WNT11: variants seen among roughly 807,000 people sequenced by gnomAD.
WNT11 encodes Wnt family member 11, also known as protein Wnt-11.
Under a neutral mutation model 35.6 loss-of-function variants are expected in WNT11, and 20 were observed. The ratio of observed to expected loss-of-function variants is 0.56; its 90% CI spans 0.40 to 0.82. The LOEUF (loss-of-function observed/expected upper bound fraction) is 0.82. Among genes scored for constraint, WNT11 ranks in the 40% least tolerant of loss-of-function variants. WNT11 has a pLI of 0.00. For synonymous variants in WNT11, 200 were observed against 211.9 expected, an observed-to-expected ratio of 0.94 and a Z score of 0.49; for missense variants, 459 against 504.4, an observed-to-expected ratio of 0.91 and a Z score of 0.86.
chr11:76,191,193 C>A (rs919978348), intron 4 of WNT11, among the ~76,000 whole-genome samples: 8 of 152,202 alleles, frequency 5.3e-5, no homozygotes, highest in Non-Finnish European at 1.5e-5. Flanking sequence ...GTCATCTGTT[C>A]ATCTGACAAA....
At chr11:76,205,275 C>T (rs954522066) in intron 1 of WNT11, among the ~76,000 whole-genome samples, 1 of 152,190 alleles carries the variant, frequency 6.6e-6, no homozygotes, top group Non-Finnish European at 1.5e-5. Context: ...CCCTTTGCAG[C>T]GCCCTCCCCA....
rs115045084 is a variant in WNT11, at chr11:76,190,122, C to T, written c.890+1442G>A. ...TAGGTAAGTGCGCTTGGAGATCACT[C>T]GACAACCCTGTGAGCGGTGGGGTGC... On this transcript the variant is annotated intron_variant, in intron 4 of 4. Transcript: ENST00000322563. Among the ~76,000 whole-genome samples, 685 of 152,054 alleles carry T rather than the reference C, an allele frequency of 4.5e-3. 2 individuals are homozygous for T. The highest frequency in any genetic ancestry group is 0.016 in the African/African-American group (653 of 41,462).
chr11:76,197,543 G>A (rs182407766), intron 1 of WNT11, among the ~76,000 whole-genome samples: 64 of 152,300 alleles, frequency 4.2e-4, no homozygotes, highest in Non-Finnish European at 5.9e-4. Flanking sequence ...GCACATTTAC[G>A]TTTTAAAGGT....
intron 3 of WNT11, among the ~76,000 whole-genome samples, chr11:76,193,339 A>C (rs7108831): frequency 0.19 from 29,284 of 152,188 alleles, 3,018 homozygotes; most frequent in South Asian, 0.23. Context: ...TTTGGGCTGC[A>C]TGGTGGGGAG....
intron 1 of WNT11, 26 bp from the exon 2 acceptor site, chr11:76,196,744 C>G: frequency 6.4e-7 from 1 of 1,559,590 alleles, no homozygotes; most frequent in Non-Finnish European, 8.7e-7. Context: ...AGGCCATGAC[C>G]GATGGAAGGA....
chr11:76,206,443 G>A lies in WNT11; in HGVS notation c.-36C>T. ...CGGGCGCGCCCGGGGTCACACCCAG[G>A]AGGAGCCGCGCCGAAGTCCTCCGCC... On this transcript the variant is annotated 5_prime_UTR_variant, in exon 1 of 5. Coordinates refer to ENST00000322563, the MANE Select transcript of WNT11 (RefSeq NM_004626.3). 7.1e-7 allele frequency: 1 copy of A among 1,410,988 alleles called. No individual in the cohort carries two copies. Among genetic ancestry groups the A allele is most frequent in the Non-Finnish European group, 9.2e-7 (1 of 1,083,556 alleles). The allele number at this position is 1,410,988 out of a possible 1,614,324, so 87.4% of individuals were successfully genotyped here. A position where few individuals can be genotyped will look rare whatever the true frequency, so the allele number is the denominator to read the frequency against.
At chr11:76,187,287 C>CTA in intron 4 of WNT11, 48 bp from the exon 5 acceptor site, 1 of 1,555,630 alleles carries the variant, frequency 6.4e-7, no homozygotes, top group East Asian at 2.3e-5. Context: ...GGTCACCACC[C>CTA]CACCAACACC....
intron 1 of WNT11, 26 bp from the exon 2 acceptor site, chr11:76,196,744 C>T (rs777748238): frequency 5.2e-5 from 81 of 1,559,472 alleles, no homozygotes; most frequent in Non-Finnish European, 6.1e-5. Context: ...AGGCCATGAC[C>T]GATGGAAGGA....
chr11:76,203,878 G>A (rs1029136088), intron 1 of WNT11, among the ~76,000 whole-genome samples: 1 of 152,216 alleles, frequency 6.6e-6, no homozygotes, highest in Non-Finnish European at 1.5e-5. Flanking sequence ...CTGTGCTGGG[G>A]CTCCCTGTGC....
intron 1 of WNT11, among the ~76,000 whole-genome samples, chr11:76,198,376 G>T (rs748499548): frequency 3.3e-5 from 5 of 152,322 alleles, no homozygotes; most frequent in African/African-American, 4.8e-5. Flanking sequence ...GACCTGCCTA[G>T]TCAAGGCCAA....
chr11:76,196,928 G>T (rs75467162), intron 1 of WNT11, among the ~76,000 whole-genome samples: 2 of 152,170 alleles, frequency 1.3e-5, no homozygotes, highest in Non-Finnish European at 2.9e-5. Flanking sequence ...GCACATCACC[G>T]TCCCTCTCTG....
At chr11:76,193,454 G>A (rs1056724079) in intron 3 of WNT11, among the ~76,000 whole-genome samples, 6 of 152,222 alleles carry the variant, frequency 3.9e-5, no homozygotes, top group South Asian at 4.1e-4. Flanking sequence ...CGTGCTGGCC[G>A]CTGGCGAAGG....
intron 1 of WNT11, 143 bp downstream of exon 1, chr11:76,206,182 G>A (rs1054368862): frequency 2.9e-6 from 2 of 691,512 alleles, no homozygotes; most frequent in Admixed American, 4.1e-5. Flanking sequence ...AGGAAACAGA[G>A]GCTGAGGGAT....
chr11:76,187,909 C>T (rs1331131641), intron 4 of WNT11, among the ~76,000 whole-genome samples: 4 of 152,144 alleles, frequency 2.6e-5, no homozygotes, highest in African/African-American at 4.8e-5. Context: ...GCTCTGTTGC[C>T]CAGGCTGGAG....
Position 76,202,129 on chromosome 11 carries a change from G to A in WNT11, c.83+4196C>T, listed in dbSNP as rs535724099. Among the ~76,000 whole-genome samples, 11 of 152,292 alleles carry A rather than the reference G, an allele frequency of 7.2e-5. No homozygotes were observed. In the South Asian group the frequency reaches 1.0e-3, roughly 14 times the overall value. ...CCAGACCATTTCCAGGTGAGGCTTC[G>A]GCAGAGCTGGGCTCAGAGGGCCTCA... On this transcript the variant is annotated intron_variant, in intron 1 of 4. Transcript: ENST00000322563.
At position 76,193,000 on chromosome 11, in the gene WNT11, T is replaced by A. The variant is rs73500095; in HGVS notation, c.598-1144A>T. Among the ~76,000 whole-genome samples, 680 of 152,110 alleles carry A rather than the reference T, an allele frequency of 4.5e-3. 8 individuals carry two copies. Among genetic ancestry groups the A allele is most frequent in the African/African-American group, 0.016 (650 of 41,524 alleles). On this transcript the variant is annotated intron_variant, in intron 3 of 4. Transcript: ENST00000322563. Reference sequence around the variant, plus strand: ...GAGTTAGTGGGGGAGCTGGCCAAGGTCCCAGGACTCCTTCCCCTCACCAGT... The same window carrying A: ...GAGTTAGTGGGGGAGCTGGCCAAGGACCCAGGACTCCTTCCCCTCACCAGT...
At position 76,196,718 on chromosome 11, in the gene WNT11, C is replaced by G; in HGVS notation, c.84G>C (p.Leu28=). The change falls in exon 2 of 5, where the codon CTG becomes CTC. Residue 28 remains leucine, a splice_region_variant and synonymous_variant. Transcript: ENST00000322563. ...GGGCCGATGGTGTCTTGGACAGCGC[C>G]CTGCACACCATGGAAAGGCCATGAC... ...QTGVCYGIKW[L]ALSKTPSALA... The G allele has an allele frequency of 6.3e-7, 1 of 1,598,796 alleles. No homozygotes were observed. The highest frequency in any genetic ancestry group is 8.5e-7 in the Non-Finnish European group (1 of 1,172,100).
rs1175520048 is a variant in WNT11 at position 76,194,784 on chromosome 11, G to A, written c.380C>T (p.Ala127Val). 7.7e-6 allele frequency: 12 copies of A among 1,554,898 alleles called. No homozygotes were observed. The highest frequency in any genetic ancestry group is 1.4e-5 in the African/African-American group (1 of 73,364). ...CAGGTCGCCGGAGGTGCAGGCCCGGGCGATGGCGTGGCTGATGGCGGCGGC... is the reference window on the plus strand; with the variant it reads ...CAGGTCGCCGGAGGTGCAGGCCCGGACGATGGCGTGGCTGATGGCGGCGGC... ...LSAAAISHAI[A>V]RACTSGDLPG... is the part of the protein sequence containing the mutation. The change falls in exon 3 of 5, where the codon GCC (alanine) becomes GTC (valine). Residue 127 changes from alanine to valine, a missense_variant. Transcript: ENST00000322563. The surrounding 1 kb of genome is among the most constrained non-coding windows in gnomAD (Gnocchi z 5.4).
upstream of WNT11, chr11:76,206,732 C>G (rs1172221989): frequency 1.3e-5 from 3 of 224,800 alleles, no homozygotes; most frequent in Non-Finnish European, 2.4e-5. Flanking sequence ...CCCCTCTGGC[C>G]GGGGCAGCCG....
Sources: gnomAD v4.1 joint callset for allele counts (sites outside exome capture counted in the v4.1 genomes callset) on GRCh38, gnomAD v4.1.1 for gene constraint, Gnocchi (gnomAD v3.1) non-coding constraint, MANE v1.5 for transcripts, NCBI Gene and HGNC (gene_info 2026-07-23, HGNC 2026-07-21) for gene names.